HMCN1: variants seen among roughly 807,000 people sequenced by gnomAD.
The protein encoded by HMCN1 is hemicentin-1.
A neutral mutation model predicts 625.9 loss-of-function variants in HMCN1; 321 were observed. The observed-to-expected ratio is 0.51, with a 90% CI of 0.47 to 0.56. HMCN1 has a LOEUF of 0.56. HMCN1 is among the 20% of genes least tolerant of loss of function. The probability of loss-of-function intolerance (pLI) is 0.00; values close to 1 mark genes in which losing one functional copy is unlikely to be tolerated. For synonymous variants in HMCN1, 2,425 were observed against 2,417.6 expected (o/e 1.00, Z -0.09); for missense variants, 6,588 against 6,887.3 (o/e 0.96, Z 1.54).
At chr1:186,074,974 A>G in intron 53 of HMCN1, 83 bp downstream of exon 53, 1 of 1,200,332 alleles carries the variant, frequency 8.3e-7, no homozygotes, top group Non-Finnish European at 1.2e-6. Context: ...TATTTTAAAC[A>G]GTGTTTTTTT....
intron 1 of HMCN1, among the ~76,000 whole-genome samples, chr1:185,756,959 C>G (rs1339489398): frequency 6.6e-6 from 1 of 151,818 alleles, no homozygotes; most frequent in African/African-American, 2.4e-5. Context: ...CACCTTTCAG[C>G]AGCTTCCCAT....
intron 30 of HMCN1, among the ~76,000 whole-genome samples, chr1:186,010,203 A>G (rs1354239273): frequency 6.6e-6 from 1 of 151,856 alleles, no homozygotes; most frequent in Non-Finnish European, 1.5e-5. Context: ...GTCTGTGTGT[A>G]TATATGTGTG....
intron 51 of HMCN1, 81 bp downstream of exon 51, chr1:186,069,857 A>G: frequency 1.2e-6 from 1 of 839,236 alleles, no homozygotes; most frequent in South Asian, 1.4e-5. Context: ...TTATGGGTTC[A>G]TAATTATTTA....
At chr1:185,893,600 A>G (rs1404412794) in intron 4 of HMCN1, among the ~76,000 whole-genome samples, 6 of 152,132 alleles carry the variant, frequency 3.9e-5, no homozygotes, top group Non-Finnish European at 8.8e-5. Context: ...GCTACCACGG[A>G]AACGTTTTTT....
At chr1:186,119,692 A>G (rs1239969032) in intron 78 of HMCN1, 53 bp from the exon 79 acceptor site, 9 of 1,564,902 alleles carry the variant, frequency 5.8e-6, no homozygotes, top group African/African-American at 5.4e-5. Flanking sequence ...TACAATAGAC[A>G]TGGTTTATTA....
chr1:185,923,525 A>G lies in HMCN1; in HGVS notation c.1157A>G (p.Tyr386Cys), dbSNP rs1439894784. The stretch of plus-strand genomic sequence containing the variant: ...AAATATTACCCACATCGAAAACCTT[A>G]TGGCATATGGAATATTTCTGACTTT... ...PVKYYPHRKP[Y>C]GIWNISDFVP... Residue 386 changes from tyrosine to cysteine, a missense_variant, in exon 8 of 107, where the codon TAT (tyrosine) becomes TGT (cysteine). Physicochemically the swap from Tyr to Cys is radical, Grantham distance 194. Around this residue, in one of 3 missense-constraint regions of HMCN1, gnomAD observed 4,628 missense variants for 4,853.1 expected, o/e 0.95. Transcript: ENST00000271588. 3 of 1,612,454 alleles carry G rather than the reference A, an allele frequency of 1.9e-6. No individual in the cohort carries two copies. Among genetic ancestry groups the G allele is most frequent in the Non-Finnish European group, 2.5e-6 (3 of 1,178,942 alleles).
chr1:186,164,280 C>G (rs1455790312), intron 97 of HMCN1, among the ~76,000 whole-genome samples: 2 of 149,384 alleles, frequency 1.3e-5, no homozygotes, highest in South Asian at 2.1e-4. Context: ...CGCTCTGTCC[C>G]CCAGGCTGGA....
chr1:186,154,038 T>C (rs1231933847), intron 97 of HMCN1, 51 bp downstream of exon 97: 19 of 1,468,920 alleles, frequency 1.3e-5, no homozygotes, highest in Non-Finnish European at 1.8e-5. Flanking sequence ...GTCTAAAGGG[T>C]TAAAAAAATT....
chr1:185,933,004 T>G (rs565024190), intron 10 of HMCN1, among the ~76,000 whole-genome samples: 1 of 152,104 alleles, frequency 6.6e-6, no homozygotes, highest in African/African-American at 2.4e-5. Context: ...TTATTAATGG[T>G]CTGTTCCTAC....
intron 87 of HMCN1, 119 bp downstream of exon 87, chr1:186,137,056 G>A: frequency 2.5e-6 from 3 of 1,219,308 alleles, no homozygotes; most frequent in Non-Finnish European, 3.6e-6. Flanking sequence ...TAGATGATGG[G>A]GAGAGGACAA....
chr1:185,922,563 C>A, intron 7 of HMCN1, 64 bp downstream of exon 7: 1 of 1,418,028 alleles, frequency 7.1e-7, no homozygotes, highest in Non-Finnish European at 9.7e-7. Context: ...ATTTCTCAGA[C>A]TGTCTATAAT....
intron 4 of HMCN1, among the ~76,000 whole-genome samples, chr1:185,900,344 C>T (rs557459132): frequency 2.1e-4 from 32 of 152,092 alleles, no homozygotes; most frequent in Non-Finnish European, 3.7e-4. Context: ...TGAATATTCA[C>T]CTATATTATT....
Position 186,117,619 on chromosome 1 carries a change from C to T in HMCN1, c.11844C>T (p.Ser3948=). 2 of 1,613,448 alleles carry T rather than the reference C, an allele frequency of 1.2e-6. No homozygotes were observed. Among genetic ancestry groups the T allele is most frequent in the Non-Finnish European group, 1.7e-6 (2 of 1,179,534 alleles). Residue 3948 remains serine, a synonymous_variant, in exon 77 of 107, where the codon TCC becomes TCT. Coordinates refer to ENST00000271588, the MANE Select transcript of HMCN1 (RefSeq NM_031935.3). ...LPRGDGYRIL[S]SGAIEILATQ... ...GGGGAGATGGCTATAGAATTCTGTC[C>T]TCAGGTAAGACCAAGCTCAGTGATT...
intron 2 of HMCN1, among the ~76,000 whole-genome samples, chr1:185,859,310 A>G (rs558083550): frequency 6.6e-6 from 1 of 152,198 alleles, no homozygotes; most frequent in Non-Finnish European, 1.5e-5. Context: ...CAACAACCTT[A>G]CAATTAACAG....
chr1:186,161,977 T>C (rs1387008963), intron 97 of HMCN1, among the ~76,000 whole-genome samples: 2 of 152,200 alleles, frequency 1.3e-5, no homozygotes, highest in Admixed American at 6.5e-5. Flanking sequence ...CCTTGCTAGA[T>C]TGGGGAAGTT....
intron 103 of HMCN1, among the ~76,000 whole-genome samples, chr1:186,178,194 T>C (rs370426595): frequency 3.9e-5 from 6 of 152,130 alleles, no homozygotes; most frequent in African/African-American, 1.4e-4. Flanking sequence ...GGATATAATA[T>C]AGTATTTAGG....
rs138178673 is a variant in HMCN1, at chr1:186,136,682, A to T, written c.13327A>T (p.Thr4443Ser). Residue 4443 changes from threonine to serine, a missense_variant, in exon 87 of 107, where the codon ACT becomes TCT. By Grantham distance (58) the Thr-to-Ser change is moderately conservative. Coordinates refer to ENST00000271588, the MANE Select transcript of HMCN1 (RefSeq NM_031935.3). Reference sequence around the variant, plus strand: ...TTTTTCCGTAGGTCCTCCTATTATCACTCTTGAGCCAGTGGAAACTGTTAT... The same window carrying T: ...TTTTTCCGTAGGTCCTCCTATTATCTCTCTTGAGCCAGTGGAAACTGTTAT... ...SLTLQSPPII[T>S]LEPVETVINA... 176 of 1,613,708 alleles carry T rather than the reference A, an allele frequency of 1.1e-4. No individual in the cohort carries two copies. In the African/African-American group the frequency reaches 2.2e-3, roughly 20 times the overall value.
chr1:185,922,010 A>G (rs924767934), intron 6 of HMCN1, among the ~76,000 whole-genome samples: 24 of 152,200 alleles, frequency 1.6e-4, no homozygotes, highest in African/African-American at 5.8e-4. Context: ...TTTGTGGAAG[A>G]AGGTTTCAAT....
At chr1:185,757,926 C>T (rs182800890) in intron 1 of HMCN1, among the ~76,000 whole-genome samples, 169 of 152,188 alleles carry the variant, frequency 1.1e-3, no homozygotes, top group African/African-American at 3.8e-3. Context: ...CTTATATATC[C>T]TCTACTCCAC....
Sources: allele counts gnomAD v4.1 joint callset (sites outside exome capture counted in the v4.1 genomes callset), GRCh38; gene constraint gnomAD v4.1.1; regional missense constraint gnomAD v4.1.1; transcripts MANE v1.5; gene names NCBI Gene and HGNC (gene_info 2026-07-23, HGNC 2026-07-21).